The following PCNX2 variants were observed in gnomAD, a reference collection of about 807,000 sequenced individuals.
PCNX2 encodes the protein pecanex 2.
Under a neutral mutation model 223.8 loss-of-function variants are expected in PCNX2, and 168 were observed. The ratio of observed to expected loss-of-function variants is 0.75; its 90% confidence interval spans 0.66 to 0.85. PCNX2 has a LOEUF of 0.85. Among genes scored for constraint, PCNX2 ranks in the 40% least tolerant of loss-of-function variants. PCNX2 has a pLI of 0.00. For synonymous variants in PCNX2, 1,006 were observed against 1,052.6 expected, an observed-to-expected ratio of 0.96 and a Z score of 0.86; for missense variants, 2,507 against 2,675.5, an observed-to-expected ratio of 0.94 and a Z score of 1.39.
At chr1:233,279,360 A>G (rs1391628453) in intron 1 of PCNX2, among the ~76,000 whole-genome samples, 1 of 151,326 alleles carries the variant, frequency 6.6e-6, no homozygotes, top group Non-Finnish European at 1.5e-5. Flanking sequence ...GATTACAGGC[A>G]TGTGCCACCA....
intron 19 of PCNX2, among the ~76,000 whole-genome samples, chr1:233,148,857 T>C (rs1040251857): frequency 6.6e-6 from 1 of 152,188 alleles, no homozygotes; most frequent in East Asian, 1.9e-4. Context: ...AAGGGACACA[T>C]TAAAAGATGA....
At chr1:233,251,686 C>T (rs1427246027) in intron 7 of PCNX2, among the ~76,000 whole-genome samples, 2 of 152,228 alleles carry the variant, frequency 1.3e-5, no homozygotes, top group African/African-American at 4.8e-5. Context: ...CTACTGAACT[C>T]CAGATAAAGT....
intron 21 of PCNX2, among the ~76,000 whole-genome samples, chr1:233,109,286 A>G (rs1674980911): frequency 6.6e-6 from 1 of 152,234 alleles, no homozygotes; most frequent in South Asian, 2.1e-4. Flanking sequence ...TATGAGGCAC[A>G]CAAAAGGGCA....
chr1:233,252,683 C>T lies in PCNX2; in HGVS notation c.1940G>A (p.Ser647Asn). 3 of 1,613,858 alleles carry T rather than the reference C, an allele frequency of 1.9e-6. No homozygotes were observed. Among genetic ancestry groups the T allele is most frequent in the Non-Finnish European group, 2.5e-6 (3 of 1,179,854 alleles). ...KPDLQSQDHT[S>N]TGPACTQPAK... ...AGGCTGAGTGCATGCGGGGCCGGTGCTAGTATGGTCTTGACTTTGCAAATC... is the reference window on the plus strand; with the variant it reads ...AGGCTGAGTGCATGCGGGGCCGGTGTTAGTATGGTCTTGACTTTGCAAATC... The change falls in exon 6 of 34, where the codon AGC (serine) becomes AAC (asparagine). Residue 647 changes from serine to asparagine, a missense_variant. Physicochemically the swap from Ser to Asn is conservative, Grantham distance 46 (BLOSUM62 1). Around this residue, in one of 3 missense-constraint regions of PCNX2, gnomAD observed 1,031 missense variants for 1,021.7 expected, o/e 1.01. Coordinates refer to ENST00000258229, the MANE Select transcript of PCNX2 (RefSeq NM_014801.4).
rs1311176236 is a variant in PCNX2, at chr1:233,227,232, A to G, written c.2498T>C (p.Leu833Pro). Residue 833 changes from leucine to proline, a missense_variant, in exon 10 of 34, where the codon CTT becomes CCT. Around this residue, in one of 3 missense-constraint regions of PCNX2, gnomAD observed 1,031 missense variants for 1,021.7 expected, o/e 1.01. Coordinates refer to ENST00000258229, the MANE Select transcript of PCNX2 (RefSeq NM_014801.4). ...TGCATGCTCAGTGGCTTACCGATCAAGTAATGCCAGCAAGGTCAGTCGATC... is the reference window on the plus strand; with the variant it reads ...TGCATGCTCAGTGGCTTACCGATCAGGTAATGCCAGCAAGGTCAGTCGATC... ...WYDRLTLLAL[L>P]DRTEDIKENV... 1.2e-6 allele frequency: 2 copies of G among 1,612,248 alleles called. No individual in the cohort carries two copies. The highest frequency in any genetic ancestry group is 1.7e-6 in the Non-Finnish European group (2 of 1,179,034).
intron 21 of PCNX2, among the ~76,000 whole-genome samples, chr1:233,108,279 T>C (rs899722891): frequency 1.3e-5 from 2 of 152,182 alleles, no homozygotes; most frequent in African/African-American, 2.4e-5. Flanking sequence ...GGGGTCTGGA[T>C]TGGGAATCCT....
chr1:233,178,516 T>C (rs754310447), intron 16 of PCNX2, among the ~76,000 whole-genome samples: 49 of 152,242 alleles, frequency 3.2e-4, no homozygotes, highest in Non-Finnish European at 6.2e-4. Context: ...ATGTATACTT[T>C]CACATTACTA....
intron 21 of PCNX2, among the ~76,000 whole-genome samples, chr1:233,102,567 G>T (rs1674544799): frequency 6.6e-6 from 1 of 152,132 alleles, no homozygotes; most frequent in Non-Finnish European, 1.5e-5. Flanking sequence ...TAACTGGGGT[G>T]AGATGATAGC....
chr1:233,275,808 G>C (rs1660878433), intron 1 of PCNX2, among the ~76,000 whole-genome samples: 2 of 151,878 alleles, frequency 1.3e-5, no homozygotes, highest in African/African-American at 4.8e-5. Context: ...GAGGTGGGCG[G>C]ATCACGAGGT....
Position 233,258,781 on chromosome 1 carries a change from T to C in PCNX2, c.1081A>G (p.Thr361Ala), listed in dbSNP as rs1206783656. ...CTCAGTGGGTCTCCGGGTTGAGAAG[T>C]ATCGATGAGAGTAACAGCTACCTCA... ...DSEVAVTLID[T>A]SQPGDPLSLH... is the part of the protein sequence containing the mutation. Residue 361 changes from threonine (T) to alanine (A), a missense_variant, in exon 5 of 34, where the codon ACT (threonine) becomes GCT (alanine). Around this residue, in one of 3 missense-constraint regions of PCNX2, gnomAD observed 1,031 missense variants for 1,021.7 expected, o/e 1.01. Coordinates refer to ENST00000258229, the MANE Select transcript of PCNX2 (RefSeq NM_014801.4). 4 of 1,613,776 alleles carry C rather than the reference T, an allele frequency of 2.5e-6. No individual in the cohort carries two copies. In the South Asian group the frequency reaches 3.3e-5, roughly 13 times the overall value.
In PCNX2 at chr1:233,039,807, T is replaced by C. The variant is rs564463989; in HGVS notation, c.4352-14408A>G. ...ATTGATTGCCAACCATGTGGTCACATACCTGACACTAAGGATAAGGCCCTG... is the reference window on the plus strand; with the variant it reads ...ATTGATTGCCAACCATGTGGTCACACACCTGACACTAAGGATAAGGCCCTG... On this transcript the variant is annotated intron_variant, in intron 25 of 33. Transcript: ENST00000258229. 8.5e-5 allele frequency among the ~76,000 whole-genome samples: 13 copies of C among 152,362 alleles called. No homozygotes were observed. The East Asian group carries it at 2.5e-3, about 29-fold the overall frequency.
chr1:233,052,295 G>A (rs1185030183), intron 25 of PCNX2, among the ~76,000 whole-genome samples: 2 of 152,212 alleles, frequency 1.3e-5, no homozygotes, highest in African/African-American at 2.4e-5. Flanking sequence ...AGATAATGGT[G>A]TTCAATCTGG....
At chr1:233,277,480 T>C (rs74536909) in intron 1 of PCNX2, among the ~76,000 whole-genome samples, 1,551 of 152,270 alleles carry the variant, frequency 0.01, 14 homozygotes, top group South Asian at 0.028. Flanking sequence ...TCCTCTACCA[T>C]GGGCAGGGCC....
At chr1:233,168,938 A>G (rs1317760661) in intron 17 of PCNX2, among the ~76,000 whole-genome samples, 2 of 152,154 alleles carry the variant, frequency 1.3e-5, no homozygotes, top group African/African-American at 2.4e-5. Flanking sequence ...ATTCATAATA[A>G]TGGTAATTAT....
chr1:233,106,975 C>T (rs999276436), intron 21 of PCNX2, among the ~76,000 whole-genome samples: 1 of 152,004 alleles, frequency 6.6e-6, no homozygotes, highest in African/African-American at 2.4e-5. Flanking sequence ...CTCTTGTAAA[C>T]ACTGAAACTT....
chr1:233,153,346 G>A (rs893795432), intron 19 of PCNX2, among the ~76,000 whole-genome samples: 8 of 152,186 alleles, frequency 5.3e-5, no homozygotes, highest in South Asian at 2.1e-4. Flanking sequence ...GAGGGAGGAC[G>A]GAGCTAATAG....
At chr1:233,317,667 G>A in the PCNX2 span, among the ~76,000 whole-genome samples, 6 of 151,958 alleles carry the variant, frequency 3.9e-5, no homozygotes, top group African/African-American at 1.5e-4. Context: ...CTAAATGAGG[G>A]GCGGGGGGAG....
At chr1:233,222,745 C>T (rs775222779) in intron 10 of PCNX2, among the ~76,000 whole-genome samples, 3 of 152,052 alleles carry the variant, frequency 2.0e-5, no homozygotes, top group East Asian at 1.9e-4. Context: ...GACTCAAGGA[C>T]GACTCCAAGA....
intron 28 of PCNX2, among the ~76,000 whole-genome samples, chr1:233,004,649 C>G (rs916267992): frequency 6.6e-6 from 1 of 152,120 alleles, no homozygotes; most frequent in African/African-American, 2.4e-5. Context: ...GACGGCTGCT[C>G]CTAAGGATTT....
Sources: allele counts gnomAD v4.1 joint callset (sites outside exome capture counted in the v4.1 genomes callset), GRCh38; gene constraint gnomAD v4.1.1; regional missense constraint gnomAD v4.1.1; transcripts MANE v1.5; gene names NCBI Gene and HGNC (gene_info 2026-07-23, HGNC 2026-07-21).